LSAMP: variants seen among roughly 807,000 people sequenced by gnomAD.
LSAMP encodes limbic system associated membrane protein, also known as limbic system-associated membrane protein.
In LSAMP, 7 loss-of-function variants were observed where a neutral mutation model predicts 38.6. That is an observed-to-expected ratio of 0.18 (90% CI 0.10 to 0.34). The LOEUF is 0.34. Ranked by LOEUF, LSAMP falls within the 10% of genes least tolerant of loss-of-function variation. The pLI, the probability that LSAMP is intolerant of heterozygous loss-of-function variation, is 1.00. For synonymous variants in LSAMP, 154 were observed against 166.8 expected, an observed-to-expected ratio of 0.92 and a Z score of 0.59; for missense variants, 313 against 420.0, an observed-to-expected ratio of 0.75 and a Z score of 2.23.
chr3:115,928,973 G>GTTTCTTTTTTTTT (rs1553750016), intron 3 of LSAMP, among the ~76,000 whole-genome samples: 1 of 109,928 alleles, frequency 9.1e-6, no homozygotes, highest in Non-Finnish European at 1.8e-5. Flanking sequence ...TTTTTTGTTT[G>GTTTCTTTTTTTTT]TTTTTTTTTT....
chr3:116,337,622 A>G (rs1234389864), intron 1 of LSAMP, among the ~76,000 whole-genome samples: 1 of 152,034 alleles, frequency 6.6e-6, no homozygotes, highest in Non-Finnish European at 1.5e-5. Context: ...TACTACCTAT[A>G]AAAGTCAACC....
intron 2 of LSAMP, among the ~76,000 whole-genome samples, chr3:116,085,881 C>A (rs1297414072): frequency 6.6e-6 from 1 of 152,186 alleles, no homozygotes; most frequent in East Asian, 1.9e-4. Context: ...TTCAGAAGAA[C>A]TTTGCTATCA....
intron 1 of LSAMP, among the ~76,000 whole-genome samples, chr3:116,166,268 G>A (rs1300635068): frequency 2.6e-5 from 4 of 152,236 alleles, no homozygotes; most frequent in Admixed American, 2.6e-4. Flanking sequence ...GCCAGGCACA[G>A]TTCTAAGTGC....
At chr3:116,028,690 T>C (rs992786474) in intron 2 of LSAMP, among the ~76,000 whole-genome samples, 2 of 152,126 alleles carry the variant, frequency 1.3e-5, no homozygotes, top group East Asian at 3.9e-4. Flanking sequence ...AACTAGCTAA[T>C]AAAGAAGTGT....
chr3:115,847,394 C>A (rs555323915), intron 4 of LSAMP, among the ~76,000 whole-genome samples: 1 of 152,142 alleles, frequency 6.6e-6, no homozygotes, highest in Non-Finnish European at 1.5e-5. Flanking sequence ...TTACCATGTG[C>A]CAGCAATATT....
intron 1 of LSAMP, among the ~76,000 whole-genome samples, chr3:116,137,486 T>C (rs1709277125): frequency 6.6e-6 from 1 of 152,190 alleles, no homozygotes; most frequent in Non-Finnish European, 1.5e-5. Context: ...GATCATTACA[T>C]GGAAATATTA....
At chr3:115,841,824 G>A in intron 6 of LSAMP, 21 bp downstream of exon 6, 1 of 1,583,204 alleles carries the variant, frequency 6.3e-7, no homozygotes, top group Non-Finnish European at 8.6e-7. Flanking sequence ...ATCAAGTTGG[G>A]CCCTGCTTTG....
intron 3 of LSAMP, among the ~76,000 whole-genome samples, chr3:115,884,739 C>T (rs530259078): frequency 1.2e-4 from 18 of 152,082 alleles, no homozygotes; most frequent in South Asian, 8.3e-4. Flanking sequence ...GAAATATACA[C>T]GCTTTAGCAG....
rs75595087 is a variant in LSAMP, at chr3:116,433,473, A to G, written c.155+11404T>C. Among the ~76,000 whole-genome samples, 787 of 152,256 alleles carry G rather than the reference A, an allele frequency of 5.2e-3. 6 individuals carry two copies. The highest frequency in any genetic ancestry group is 0.018 in the African/African-American group (751 of 41,560). On this transcript the variant is annotated intron_variant, in intron 1 of 6. Coordinates refer to ENST00000490035, the MANE Select transcript of LSAMP (RefSeq NM_002338.5). ...TAAATAATACCCTTGTACATTAGGG[A>G]AAGATATACAGAAGGAAATTTGGGA...
chr3:116,086,796 T>G (rs1271195355), intron 1 of LSAMP, among the ~76,000 whole-genome samples: 1 of 152,182 alleles, frequency 6.6e-6, no homozygotes, highest in African/African-American at 2.4e-5. Flanking sequence ...TGAGTATGAG[T>G]AATGAAGGCA....
At chr3:116,198,005 A>G (rs1200760568) in intron 1 of LSAMP, among the ~76,000 whole-genome samples, 2 of 152,208 alleles carry the variant, frequency 1.3e-5, no homozygotes, top group African/African-American at 4.8e-5. Flanking sequence ...CACTATGAGA[A>G]ATGGCATGGA....
intron 1 of LSAMP, among the ~76,000 whole-genome samples, chr3:116,265,351 C>T (rs1227643181): frequency 6.6e-6 from 1 of 152,132 alleles, no homozygotes; most frequent in African/African-American, 2.4e-5. Flanking sequence ...CTATTAAGCT[C>T]AATGTGGGAC....
At chr3:115,853,478 G>A (rs1010729097) in intron 3 of LSAMP, among the ~76,000 whole-genome samples, 7 of 152,194 alleles carry the variant, frequency 4.6e-5, no homozygotes, top group African/African-American at 1.7e-4. Context: ...TTGAGTGTGT[G>A]CATTTTAGTA....
intron 1 of LSAMP, among the ~76,000 whole-genome samples, chr3:116,334,433 T>C (rs1353019425): frequency 1.3e-5 from 2 of 151,918 alleles, no homozygotes; most frequent in East Asian, 3.9e-4. Context: ...ACAAAAACAT[T>C]GCAAGGAAAT....
At position 116,107,964 on chromosome 3, in the gene LSAMP, G is replaced by A. The variant is rs572696454; in HGVS notation, c.156-21408C>T. 3.9e-5 allele frequency among the ~76,000 whole-genome samples: 6 copies of A among 152,214 alleles called. No homozygotes were observed. The South Asian group carries it at 1.2e-3, about 32-fold the overall frequency. On this transcript the variant is annotated intron_variant, in intron 1 of 6. Coordinates refer to ENST00000490035, the MANE Select transcript of LSAMP (RefSeq NM_002338.5). Reference sequence around the variant, plus strand: ...TGGTTTTAGGACAGGTAAAATGGGGGAATTGTAAGGAGAGTTTATAGGCTT... The same window carrying A: ...TGGTTTTAGGACAGGTAAAATGGGGAAATTGTAAGGAGAGTTTATAGGCTT...
chr3:115,829,539 A>G (rs1934540476), intron 6 of LSAMP, among the ~76,000 whole-genome samples: 1 of 152,196 alleles, frequency 6.6e-6, no homozygotes, highest in Non-Finnish European at 1.5e-5. Flanking sequence ...ACATATTTAA[A>G]AAGGGAAATC....
intron 2 of LSAMP, among the ~76,000 whole-genome samples, chr3:116,075,569 T>G: frequency 6.7e-6 from 1 of 149,738 alleles, no homozygotes; most frequent in Admixed American, 6.7e-5. Context: ...TTAGATGGAG[T>G]CTCGCTCTGT....
At chr3:115,953,831 T>C (rs1475114417) in intron 3 of LSAMP, among the ~76,000 whole-genome samples, 2 of 152,216 alleles carry the variant, frequency 1.3e-5, no homozygotes, top group Non-Finnish European at 2.9e-5. Flanking sequence ...AGTCATTTCC[T>C]GCTTTAGGAC....
intron 2 of LSAMP, among the ~76,000 whole-genome samples, chr3:116,057,957 CCACACACACACACACA>C (rs61123270): frequency 6.0e-5 from 7 of 117,482 alleles, no homozygotes; most frequent in Non-Finnish European, 1.4e-4. Flanking sequence ...ACACACACAC[CCACACACACACACACA>C]CACACACAGA....
Sources: allele counts gnomAD v4.1 joint callset (sites outside exome capture counted in the v4.1 genomes callset), GRCh38; gene constraint gnomAD v4.1.1; transcripts MANE v1.5; gene names NCBI Gene and HGNC (gene_info 2026-07-23, HGNC 2026-07-21).